Variants in NTRK3 observed in about 807,000 individuals in gnomAD.
The protein encoded by NTRK3 is neurotrophic receptor tyrosine kinase 3, also known as NT-3 growth factor receptor.
In NTRK3, 24 loss-of-function variants were observed where a neutral mutation model predicts 91.7. That is an observed-to-expected ratio of 0.26 (90% CI 0.19 to 0.37). The LOEUF is 0.37. Among genes scored for constraint, NTRK3 ranks in the 10% least tolerant of loss-of-function variants. NTRK3 has a pLI of 1.00. For synonymous variants in NTRK3, 483 were observed against 404.0 expected, an observed-to-expected ratio of 1.20 and a Z score of -2.34; for missense variants, 880 against 1,068.9, an observed-to-expected ratio of 0.82 and a Z score of 2.46.
At chr15:88,052,962 T>A (rs1314458741) in intron 13 of NTRK3, among the ~76,000 whole-genome samples, 3 of 152,202 alleles carry the variant, frequency 2.0e-5, no homozygotes, top group African/African-American at 7.2e-5. Context: ...TGGCTTAACT[T>A]CTTTGAGCCT....
chr15:87,894,873 A>G (rs2066032479), intron 17 of NTRK3, among the ~76,000 whole-genome samples: 1 of 152,126 alleles, frequency 6.6e-6, no homozygotes, highest in African/African-American at 2.4e-5. Context: ...AGTTGTGGAT[A>G]CTGGACACTG....
At position 88,133,306 on chromosome 15, in the gene NTRK3, C is replaced by T. The variant is rs547739221; in HGVS notation, c.1204+1795G>A. Among the ~76,000 whole-genome samples, 8 of 152,230 alleles carry T rather than the reference C, an allele frequency of 5.3e-5. No individual in the cohort carries two copies. In the South Asian group the frequency reaches 1.5e-3, roughly 28 times the overall value. On this transcript the variant is annotated intron_variant, in intron 10 of 18. Transcript: ENST00000394480. Reference sequence around the variant, plus strand: ...GCTGAGAAGACGCAAAGTATTGCTTCCTCCTGAGACAAAGGAGAGAACGGA... The same window carrying T: ...GCTGAGAAGACGCAAAGTATTGCTTTCTCCTGAGACAAAGGAGAGAACGGA...
chr15:88,026,132 G>A (rs534827283), intron 14 of NTRK3, among the ~76,000 whole-genome samples: 343 of 152,028 alleles, frequency 2.3e-3, no homozygotes, highest in Non-Finnish European at 3.8e-3. Flanking sequence ...TTAGCCAGGC[G>A]TGGTGGCGGG....
chr15:87,961,762 C>T (rs2072318713), intron 14 of NTRK3, among the ~76,000 whole-genome samples: 1 of 152,272 alleles, frequency 6.6e-6, no homozygotes, highest in Non-Finnish European at 1.5e-5. Context: ...GGTGAGAGCA[C>T]CAGGCTTCCC....
chr15:87,899,868 G>A (rs1408192153), intron 17 of NTRK3, among the ~76,000 whole-genome samples: 3 of 152,144 alleles, frequency 2.0e-5, no homozygotes, highest in African/African-American at 7.2e-5. Context: ...CTGGCTGCTG[G>A]AGGAGCTTTG....
At chr15:87,912,394 A>G (rs944209781) in intron 17 of NTRK3, among the ~76,000 whole-genome samples, 2 of 152,144 alleles carry the variant, frequency 1.3e-5, no homozygotes, top group African/African-American at 4.8e-5. Context: ...CTTAACCAGA[A>G]CACCAAACCC....
chr15:87,933,885 T>C (rs1481394902), intron 15 of NTRK3, among the ~76,000 whole-genome samples: 1 of 152,142 alleles, frequency 6.6e-6, no homozygotes, highest in African/African-American at 2.4e-5. Flanking sequence ...AAAGTCCTAG[T>C]GCAGGATGGA....
exon 19 of NTRK3, chr15:87,872,496 T>G (rs1296129069): frequency 8.8e-6 from 2 of 228,066 alleles, no homozygotes; most frequent in Non-Finnish European, 1.7e-5. Context: ...GTGGCCTGCA[T>G]GAGAGATGGG....
At chr15:88,041,217 C>G (rs911865769) in intron 13 of NTRK3, among the ~76,000 whole-genome samples, 2 of 152,212 alleles carry the variant, frequency 1.3e-5, no homozygotes, top group Admixed American at 1.3e-4. Context: ...TAAAATAGCT[C>G]TGGGCTGACA....
exon 19 of NTRK3, chr15:87,863,294 A>C: frequency 4.4e-6 from 1 of 226,280 alleles, no homozygotes; most frequent in Non-Finnish European, 8.8e-6. Context: ...ATAGGAAATA[A>C]AGGAAAACAA....
intron 3 of NTRK3, among the ~76,000 whole-genome samples, chr15:88,202,685 G>C (rs181426637): frequency 6.6e-6 from 1 of 152,266 alleles, no homozygotes; most frequent in East Asian, 1.9e-4. Context: ...TCCTCACCAT[G>C]ACCTGTGCAG....
chr15:88,165,553 A>C (rs908822865), intron 5 of NTRK3, among the ~76,000 whole-genome samples: 1 of 152,234 alleles, frequency 6.6e-6, no homozygotes, highest in African/African-American at 2.4e-5. Flanking sequence ...GAAAATTGGG[A>C]TACAGAAATC....
At chr15:87,879,067 T>C (rs977221179) in intron 18 of NTRK3, among the ~76,000 whole-genome samples, 2 of 152,182 alleles carry the variant, frequency 1.3e-5, no homozygotes, top group African/African-American at 4.8e-5. Flanking sequence ...TATTTTGTTC[T>C]ACTTTGGGAA....
At chr15:88,000,599 G>C (rs1446972853) in intron 14 of NTRK3, among the ~76,000 whole-genome samples, 4 of 152,142 alleles carry the variant, frequency 2.6e-5, no homozygotes, top group African/African-American at 9.7e-5. Flanking sequence ...CATAGAAATT[G>C]AATCATTAAA....
intron 14 of NTRK3, among the ~76,000 whole-genome samples, chr15:87,991,781 G>A (rs975247302): frequency 6.6e-5 from 10 of 151,962 alleles, no homozygotes; most frequent in African/African-American, 2.4e-4. Flanking sequence ...CTTTAATTTA[G>A]ATCCCCACTT....
intron 17 of NTRK3, among the ~76,000 whole-genome samples, chr15:87,893,309 C>T (rs983705677): frequency 6.6e-6 from 1 of 152,288 alleles, no homozygotes; most frequent in African/African-American, 2.4e-5. Context: ...CAAACCCCAT[C>T]TTTTTCATTC....
chr15:88,048,477 C>T (rs752602656), intron 13 of NTRK3, among the ~76,000 whole-genome samples: 1 of 152,168 alleles, frequency 6.6e-6, no homozygotes, highest in South Asian at 2.1e-4. Flanking sequence ...GACACAGGTA[C>T]ATTCCCCACA....
At chr15:88,044,447 G>C (rs896078145) in intron 13 of NTRK3, among the ~76,000 whole-genome samples, 1 of 151,668 alleles carries the variant, frequency 6.6e-6, no homozygotes, top group African/African-American at 2.4e-5. Context: ...ATTTTTAGTA[G>C]AGACAGGGTT....
At chr15:88,053,617 A>G (rs1003074631) in intron 13 of NTRK3, among the ~76,000 whole-genome samples, 2 of 152,150 alleles carry the variant, frequency 1.3e-5, no homozygotes, top group African/African-American at 4.8e-5. Context: ...TGGGCAAGTT[A>G]TTTGCCCTCG....
Sources: allele counts gnomAD v4.1 joint callset (sites outside exome capture counted in the v4.1 genomes callset), GRCh38; gene constraint gnomAD v4.1.1; transcripts MANE v1.5; gene names NCBI Gene and HGNC (gene_info 2026-07-23, HGNC 2026-07-21).